The following PDE4B variants were observed in gnomAD, a reference collection of about 807,000 sequenced individuals.
The protein encoded by PDE4B is phosphodiesterase 4B, also known as 3',5'-cyclic-AMP phosphodiesterase 4B.
Under a neutral mutation model 82.2 loss-of-function variants are expected in PDE4B, and 20 were observed. The observed-to-expected ratio is 0.24, with a 90% CI of 0.17 to 0.35. The LOEUF is 0.35. Among genes scored for constraint, PDE4B ranks in the 10% least tolerant of loss-of-function variants. PDE4B has a pLI of 1.00. For missense variants in PDE4B, 655 were observed against 907.2 expected, an observed-to-expected ratio of 0.72 and a Z score of 3.57; for synonymous variants, 320 against 318.9, an observed-to-expected ratio of 1.00 and a Z score of -0.04.
intron 3 of PDE4B, among the ~76,000 whole-genome samples, chr1:65,993,590 A>G (rs759906157): frequency 1.2e-4 from 18 of 152,174 alleles, no homozygotes; most frequent in Non-Finnish European, 2.2e-4. Flanking sequence ...AGTCTAACTT[A>G]ATGTATTGTA....
chr1:66,365,046 CA>C (rs1663132108), intron 12 of PDE4B, among the ~76,000 whole-genome samples: 1 of 152,134 alleles, frequency 6.6e-6, no homozygotes, highest in Non-Finnish European at 1.5e-5. Context: ...GGCAGAGAAG[CA>C]TTCATGACAT....
At chr1:66,086,663 A>G (rs1204014826) in intron 3 of PDE4B, among the ~76,000 whole-genome samples, 1 of 152,156 alleles carries the variant, frequency 6.6e-6, no homozygotes, top group Non-Finnish European at 1.5e-5. Context: ...GTTTCTGCGA[A>G]CCTTAACCCA....
chr1:66,373,002 G>A lies in PDE4B; in HGVS notation c.*324G>A, dbSNP rs371856307. On this transcript the variant is annotated 3_prime_UTR_variant, in exon 17 of 17. Coordinates refer to ENST00000341517, the MANE Select transcript of PDE4B (RefSeq NM_002600.4). ...CACTAAGTTTCGGGAACTTATCCCC[G>A]ACAGTGACTGAACTCACTGACTAAT... 2.4e-5 allele frequency: 6 copies of A among 248,274 alleles called. No homozygotes were observed. The highest frequency in any genetic ancestry group is 6.6e-5 in the African/African-American group (3 of 45,694). The allele number at this position is 248,274 out of a possible 1,614,324, so 15.4% of individuals were successfully genotyped here. A position where few individuals can be genotyped will look rare whatever the true frequency, so the allele number is the denominator to read the frequency against.
At chr1:66,265,951 C>A (rs764226129) in intron 6 of PDE4B, 87 bp from the exon 7 acceptor site, 36 of 954,224 alleles carry the variant, frequency 3.8e-5, no homozygotes, top group African/African-American at 6.4e-5. Flanking sequence ...CTGGAAAAGT[C>A]CTCAGTAACC....
chr1:66,240,882 G>T (rs1570538297), intron 3 of PDE4B, among the ~76,000 whole-genome samples: 4 of 152,186 alleles, frequency 2.6e-5, no homozygotes, highest in African/African-American at 9.7e-5. Context: ...GAGGTGTGGG[G>T]GGCAGGATAC....
chr1:66,161,162 A>G (rs190011886), intron 3 of PDE4B, among the ~76,000 whole-genome samples: 1 of 152,262 alleles, frequency 6.6e-6, no homozygotes, highest in African/African-American at 2.4e-5. Flanking sequence ...TTGGGCATCT[A>G]ACAACTCCTA....
intron 8 of PDE4B, among the ~76,000 whole-genome samples, chr1:66,340,493 T>G (rs1660895561): frequency 6.6e-6 from 1 of 152,202 alleles, no homozygotes; most frequent in Non-Finnish European, 1.5e-5. Flanking sequence ...AGTTTTGAAA[T>G]CTAGAGCCCC....
At chr1:66,167,435 C>A (rs1326220970) in intron 3 of PDE4B, among the ~76,000 whole-genome samples, 1 of 152,070 alleles carries the variant, frequency 6.6e-6, no homozygotes, top group Non-Finnish European at 1.5e-5. Context: ...AGAACCCATG[C>A]AATGTGTGAT....
At chr1:66,031,406 CTCACTGG>C (rs970035201) in intron 3 of PDE4B, among the ~76,000 whole-genome samples, 9 of 152,186 alleles carry the variant, frequency 5.9e-5, no homozygotes, top group Admixed American at 5.9e-4. Flanking sequence ...AAAGGTAGCT[CTCACTGG>C]TGAAAATTTG....
intron 7 of PDE4B, among the ~76,000 whole-genome samples, chr1:66,320,320 T>C (rs964226623): frequency 1.3e-5 from 2 of 152,132 alleles, no homozygotes; most frequent in Non-Finnish European, 2.9e-5. Context: ...ATGTGGGTAC[T>C]CAGTGAGAGT....
chr1:65,984,026 A>G (rs1042722420), intron 3 of PDE4B, among the ~76,000 whole-genome samples: 5 of 152,212 alleles, frequency 3.3e-5, no homozygotes, highest in Non-Finnish European at 5.9e-5. Context: ...AAAAACCTGT[A>G]CACGGATGTT....
At chr1:65,970,217 CTTT>C (rs34884275) in intron 3 of PDE4B, among the ~76,000 whole-genome samples, 1 of 143,488 alleles carries the variant, frequency 7.0e-6, no homozygotes, top group African/African-American at 2.6e-5. Flanking sequence ...CAAATATTTT[CTTT>C]TTTTTTTTTT....
chr1:66,287,761 A>G (rs1226617211), intron 7 of PDE4B, among the ~76,000 whole-genome samples: 1 of 152,080 alleles, frequency 6.6e-6, no homozygotes, highest in Non-Finnish European at 1.5e-5. Flanking sequence ...TGAGGCCAGG[A>G]GTTTGAGAGC....
At chr1:66,161,226 G>A (rs1646606732) in intron 3 of PDE4B, among the ~76,000 whole-genome samples, 1 of 152,066 alleles carries the variant, frequency 6.6e-6, no homozygotes, top group African/African-American at 2.4e-5. Flanking sequence ...TTAGTACAGT[G>A]AAGCCTGTTT....
intron 3 of PDE4B, among the ~76,000 whole-genome samples, chr1:66,085,995 A>G (rs888245536): frequency 1.3e-5 from 2 of 152,156 alleles, no homozygotes; most frequent in Non-Finnish European, 2.9e-5. Context: ...AAGCAATCAG[A>G]TAACTTCAAT....
intron 8 of PDE4B, among the ~76,000 whole-genome samples, chr1:66,337,084 G>T (rs1336182346): frequency 6.6e-6 from 1 of 152,162 alleles, no homozygotes; most frequent in Non-Finnish European, 1.5e-5. Flanking sequence ...ACTGGCCAAT[G>T]GATTCATCTT....
intron 10 of PDE4B, among the ~76,000 whole-genome samples, chr1:66,362,853 C>G (rs1662894357): frequency 6.6e-6 from 1 of 152,160 alleles, no homozygotes; most frequent in African/African-American, 2.4e-5. Flanking sequence ...CTAGAGTGAT[C>G]TCTATTCACT....
chr1:65,991,075 A>G (rs1651214499), intron 3 of PDE4B, among the ~76,000 whole-genome samples: 1 of 114,018 alleles, frequency 8.8e-6, no homozygotes, highest in African/African-American at 3.7e-5. Flanking sequence ...TCTGACACAG[A>G]TGAATGATTT....
At chr1:66,095,473 T>C (rs1645097383) in intron 3 of PDE4B, among the ~76,000 whole-genome samples, 1 of 151,928 alleles carries the variant, frequency 6.6e-6, no homozygotes, top group Admixed American at 6.6e-5. Flanking sequence ...ATACCTGGGA[T>C]ACAAATCAGG....
Sources: allele counts gnomAD v4.1 joint callset (sites outside exome capture counted in the v4.1 genomes callset), GRCh38; gene constraint gnomAD v4.1.1; transcripts MANE v1.5; gene names NCBI Gene and HGNC (gene_info 2026-07-23, HGNC 2026-07-21).